SNX7: variants seen among roughly 807,000 people sequenced by gnomAD.
SNX7 encodes sorting nexin 7, also known as sorting nexin-7.
Under a neutral mutation model 48.4 loss-of-function variants are expected in SNX7, and 35 were observed. The observed-to-expected ratio is 0.72, with a 90% confidence interval of 0.55 to 0.96. The LOEUF (loss-of-function observed/expected upper bound fraction) is 0.96. SNX7 is among the 40% of genes least tolerant of loss of function. The pLI is 0.00. For missense variants in SNX7, 553 were observed against 548.9 expected, an observed-to-expected ratio of 1.01 and a Z score of -0.07; for synonymous variants, 190 against 190.2, an observed-to-expected ratio of 1.00 and a Z score of 0.01.
rs759854240 is a variant in SNX7, at chr1:98,691,203, T to C, written c.474+18T>C. On this transcript the variant is annotated intron_variant, in intron 3 of 8. Transcript: ENST00000306121. Reference sequence around the variant, plus strand: ...TTATTCCAGTAAGTTTGCAAAATTTTTTTTTTCATAGAATAGCTACCAGTT... The same window carrying C: ...TTATTCCAGTAAGTTTGCAAAATTTCTTTTTTCATAGAATAGCTACCAGTT... 19 of 1,546,550 alleles carry C rather than the reference T, an allele frequency of 1.2e-5. No homozygotes were observed. The highest frequency in any genetic ancestry group is 1.6e-5 in the Non-Finnish European group (18 of 1,135,542).
At chr1:98,708,999 G>T (rs1652161694) in intron 7 of SNX7, among the ~76,000 whole-genome samples, 2 of 152,106 alleles carry the variant, frequency 1.3e-5, no homozygotes, top group Non-Finnish European at 2.9e-5. Context: ...AATCCCAGTT[G>T]CAGAGTTGTG....
chr1:98,710,982 A>C (rs145433947), intron 7 of SNX7, among the ~76,000 whole-genome samples: 1 of 152,296 alleles, frequency 6.6e-6, no homozygotes, highest in African/African-American at 2.4e-5. Flanking sequence ...AATGTTAGAT[A>C]ATTCATCATA....
At chr1:98,706,536 G>A (rs1423136669) in intron 7 of SNX7, among the ~76,000 whole-genome samples, 1 of 152,160 alleles carries the variant, frequency 6.6e-6, no homozygotes, top group East Asian at 1.9e-4. Context: ...TAGGAAAATA[G>A]TTGAACAGAG....
chr1:98,676,350 TTTGCAAGACATTTA>T (rs1408902135), intron 1 of SNX7, among the ~76,000 whole-genome samples: 1 of 152,212 alleles, frequency 6.6e-6, no homozygotes, highest in African/African-American at 2.4e-5. Context: ...CTGAATTTTT[TTTGCAAGACATTTA>T]TTGCTTCTAA....
At chr1:98,735,019 T>C (rs1364539524) in intron 7 of SNX7, among the ~76,000 whole-genome samples, 3 of 152,164 alleles carry the variant, frequency 2.0e-5, no homozygotes, top group Admixed American at 6.6e-5. Flanking sequence ...GTTAGAGTTA[T>C]TGAAACCCGA....
At chr1:98,695,833 T>C in intron 5 of SNX7, 117 bp downstream of exon 5, 1 of 756,772 alleles carries the variant, frequency 1.3e-6, no homozygotes, top group Non-Finnish European at 2.3e-6. Context: ...GTGTGGCTTA[T>C]TCCTAGCCAT....
At chr1:98,679,240 A>G (rs187810194) in intron 1 of SNX7, among the ~76,000 whole-genome samples, 1 of 152,296 alleles carries the variant, frequency 6.6e-6, no homozygotes, top group African/African-American at 2.4e-5. Context: ...TTTTAAAACC[A>G]TCAAATCTCG....
intron 4 of SNX7, among the ~76,000 whole-genome samples, chr1:98,695,118 G>A (rs1158973864): frequency 6.6e-6 from 1 of 151,960 alleles, no homozygotes; most frequent in Non-Finnish European, 1.5e-5. Context: ...TTATTTTTTG[G>A]AGTATAACTT....
chr1:98,664,572 C>T lies in SNX7; in HGVS notation c.180+2661C>T, dbSNP rs1043985087. On this transcript the variant is annotated intron_variant, in intron 1 of 8. Coordinates refer to ENST00000306121, the MANE Select transcript of SNX7 (RefSeq NM_015976.5). ...ACTTCTTATTATTTTTTTTCCACAA[C>T]GTATTACAAGTACATGGCAAATATA... is the stretch of plus-strand genomic sequence containing the variant. Among the ~76,000 whole-genome samples the T allele has an allele frequency of 7.9e-5, 12 of 151,994 alleles. No individual in the cohort carries two copies. The East Asian group carries it at 1.4e-3, about 17-fold the overall frequency.
At chr1:98,757,046 C>T (rs1654890523) in intron 8 of SNX7, among the ~76,000 whole-genome samples, 1 of 151,988 alleles carries the variant, frequency 6.6e-6, no homozygotes, top group South Asian at 2.1e-4. Context: ...GCACCACCTC[C>T]ACCACTCCTG....
At chr1:98,724,000 T>G (rs900130781) in intron 7 of SNX7, among the ~76,000 whole-genome samples, 1 of 152,228 alleles carries the variant, frequency 6.6e-6, no homozygotes, top group Non-Finnish European at 1.5e-5. Flanking sequence ...TAGAACATTC[T>G]TGTATTTTTC....
intron 1 of SNX7, among the ~76,000 whole-genome samples, chr1:98,675,273 G>T (rs529677998): frequency 6.6e-6 from 1 of 152,024 alleles, no homozygotes; most frequent in Admixed American, 6.6e-5. Context: ...TTTAAGTATT[G>T]TTAGTATATT....
intron 7 of SNX7, among the ~76,000 whole-genome samples, chr1:98,725,032 A>G (rs1021680716): frequency 6.6e-6 from 1 of 152,188 alleles, no homozygotes; most frequent in Admixed American, 6.5e-5. Flanking sequence ...ATTTTTACCA[A>G]AGGAGTTTAC....
intron 8 of SNX7, among the ~76,000 whole-genome samples, chr1:98,750,314 G>C (rs1478746983): frequency 2.6e-5 from 4 of 151,966 alleles, no homozygotes; most frequent in African/African-American, 9.7e-5. Flanking sequence ...GGTGGCTAAG[G>C]GGATGGGCTT....
At chr1:98,749,025 T>C (rs1285363107) in intron 8 of SNX7, among the ~76,000 whole-genome samples, 1 of 152,310 alleles carries the variant, frequency 6.6e-6, no homozygotes, top group East Asian at 1.9e-4. Context: ...CAAAAACAGA[T>C]AAGCTTGATG....
chr1:98,715,740 C>G (rs1652555407), intron 7 of SNX7, among the ~76,000 whole-genome samples: 1 of 152,104 alleles, frequency 6.6e-6, no homozygotes, highest in African/African-American at 2.4e-5. Context: ...GTATGCTTTA[C>G]CTGGCTCAGC....
chr1:98,666,003 G>C (rs1467115594), intron 1 of SNX7, among the ~76,000 whole-genome samples: 2 of 152,064 alleles, frequency 1.3e-5, no homozygotes, highest in African/African-American at 4.8e-5. Flanking sequence ...TCAGTATAGT[G>C]ATGGAGCGGC....
chr1:98,681,833 C>G (rs749363760), intron 1 of SNX7, among the ~76,000 whole-genome samples: 2 of 152,126 alleles, frequency 1.3e-5, no homozygotes, highest in Non-Finnish European at 2.9e-5. Context: ...ATTCAAATAC[C>G]TGGATCGGTA....
rs1282166794 is a variant in SNX7 at position 98,738,353 on chromosome 1, A to C, written c.1242A>C (p.Thr414=). Residue 414 remains threonine (T), a synonymous_variant, in exon 8 of 9, where the codon ACA becomes ACC. Transcript: ENST00000306121. ...AAAATGATATCAAGTTAGCATTTAC[A>C]GATATGGCTGAGGAGAATATCCATT... is the stretch of plus-strand genomic sequence containing the variant. ...NMQNDIKLAF[T]DMAEENIHYY... is the part of the protein sequence containing the mutation. 6.2e-7 allele frequency: 1 copy of C among 1,613,504 alleles called. No homozygotes were observed. The highest frequency in any genetic ancestry group is 1.7e-5 in the Admixed American group (1 of 59,978).
Sources: allele counts gnomAD v4.1 joint callset (sites outside exome capture counted in the v4.1 genomes callset), GRCh38; gene constraint gnomAD v4.1.1; transcripts MANE v1.5; gene names NCBI Gene and HGNC (gene_info 2026-07-23, HGNC 2026-07-21).